Variants in USP48 observed in about 807,000 individuals in gnomAD.
USP48 encodes ubiquitin specific peptidase 48.
A neutral mutation model predicts 150.7 loss-of-function variants in USP48; 43 were observed. The ratio of observed to expected loss-of-function variants is 0.29; its 90% CI spans 0.22 to 0.37. USP48 has a LOEUF of 0.37. Among genes scored for constraint, USP48 ranks in the 10% least tolerant of loss-of-function variants. USP48 has a pLI of 1.00. For missense variants in USP48, 813 were observed against 1,249.6 expected (o/e 0.65, Z 5.27); for synonymous variants, 396 against 425.9 (o/e 0.93, Z 0.86).
At chr1:21,754,250 C>T (rs1270361941) in intron 3 of USP48, among the ~76,000 whole-genome samples, 2 of 152,106 alleles carry the variant, frequency 1.3e-5, no homozygotes, top group African/African-American at 4.8e-5. Flanking sequence ...TCCCCAAAGG[C>T]AAGAGCCTAC....
chr1:21,724,297 AC>A, intron 11 of USP48: 1 of 623,664 alleles, frequency 1.6e-6, no homozygotes, highest in Non-Finnish European at 2.8e-6. Flanking sequence ...GGAGCTGTGC[AC>A]CATAATGCTG....
intron 9 of USP48, among the ~76,000 whole-genome samples, chr1:21,734,960 T>C (rs1393783015): frequency 6.6e-6 from 1 of 152,204 alleles, no homozygotes; most frequent in African/African-American, 2.4e-5. Context: ...GTAGTCTTTA[T>C]GGCAGACCTC....
Position 21,724,641 on chromosome 1 carries a change from T to C in USP48, c.1451-546A>G, listed in dbSNP as rs139456056. ...ACTGAACTTTCTTCATCCAAGATGA[T>C]ACTGATGGCAATTTTGAAAAGGTAT... On this transcript the variant is annotated intron_variant, in intron 11 of 26. Coordinates refer to ENST00000308271, the MANE Select transcript of USP48 (RefSeq NM_032236.8). The C allele has an allele frequency of 6.1e-3, 941 of 155,214 alleles. 3 individuals are homozygous for C. The highest frequency in any genetic ancestry group is 0.01 in the Non-Finnish European group (711 of 70,062). The allele number at this position is 155,214 out of a possible 1,614,324, so 9.6% of individuals were successfully genotyped here. A position where few individuals can be genotyped will look rare whatever the true frequency, so the allele number is the denominator to read the frequency against.
chr1:21,751,460 T>C, intron 6 of USP48, 47 bp downstream of exon 6: 2 of 1,402,344 alleles, frequency 1.4e-6, no homozygotes, highest in Non-Finnish European at 2.0e-6. Context: ...AGAACAGCAT[T>C]TAACTGTTAA....
At chr1:21,729,011 G>A (rs12731507) in intron 10 of USP48, among the ~76,000 whole-genome samples, 21,512 of 152,170 alleles carry the variant, frequency 0.14, 2,084 homozygotes, top group South Asian at 0.22. Context: ...CCAGGCGGGC[G>A]CAGTGGCTCA....
At chr1:21,738,902 T>C in intron 8 of USP48, among the ~76,000 whole-genome samples, 1 of 152,078 alleles carries the variant, frequency 6.6e-6, no homozygotes, top group East Asian at 1.9e-4. Flanking sequence ...TAATGCAGAT[T>C]AATACCTGGG....
intron 15 of USP48, among the ~76,000 whole-genome samples, chr1:21,708,238 C>T (rs949667483): frequency 6.6e-6 from 1 of 152,110 alleles, no homozygotes. Flanking sequence ...TGGTGGTTCA[C>T]ACTTGTAAGC....
chr1:21,732,937 A>C (rs1374519847), intron 9 of USP48: 1 of 155,258 alleles, frequency 6.4e-6, no homozygotes, highest in Non-Finnish European at 1.4e-5. Context: ...TAGATTTTAA[A>C]ATGTGCAAAG....
At chr1:21,768,058 G>A (rs938346022) in intron 1 of USP48, among the ~76,000 whole-genome samples, 9 of 151,910 alleles carry the variant, frequency 5.9e-5, no homozygotes, top group African/African-American at 2.2e-4. Context: ...ATATAAAAAA[G>A]TAGCCGGGCA....
In USP48 at chr1:21,734,486, G is replaced by A. The variant is rs541026373; in HGVS notation, c.1171+1960C>T. On this transcript the variant is annotated intron_variant, in intron 9 of 26. Transcript: ENST00000308271. ...AGCTACATGAATGGAGTTAACAAAC[G>A]ATTATCTGTAGAGATGATGCATATG... Among the ~76,000 whole-genome samples the A allele has an allele frequency of 4.6e-5, 7 of 152,270 alleles. No individual in the cohort carries two copies. The South Asian group carries it at 1.0e-3, about 23-fold the overall frequency.
At chr1:21,765,436 T>C (rs561565751) in intron 1 of USP48, among the ~76,000 whole-genome samples, 1 of 151,878 alleles carries the variant, frequency 6.6e-6, no homozygotes, top group Non-Finnish European at 1.5e-5. Flanking sequence ...GCTAATATGG[T>C]GAAACCCCGT....
At chr1:21,689,926 G>T (rs1347440298) in intron 24 of USP48, 48 bp downstream of exon 24, 2 of 1,606,590 alleles carry the variant, frequency 1.2e-6, no homozygotes, top group Non-Finnish European at 1.7e-6. Context: ...ACATAGTTAT[G>T]TAACATGTAA....
chr1:21,752,372 G>A (rs2152585194), intron 5 of USP48, among the ~76,000 whole-genome samples, 155 bp downstream of exon 5: 1 of 152,272 alleles, frequency 6.6e-6, no homozygotes, highest in East Asian at 1.9e-4. Context: ...CAACTCACTT[G>A]TTTATATGTT....
chr1:21,696,993 C>T (rs1388951584), intron 22 of USP48, among the ~76,000 whole-genome samples: 1 of 151,964 alleles, frequency 6.6e-6, no homozygotes, highest in Non-Finnish European at 1.5e-5. Flanking sequence ...AAATCTTTTC[C>T]CCTGGTTTAA....
chr1:21,742,555 GAAAAGAAAAGAAAAAGAAAAAGA>G (rs2097784459), intron 8 of USP48, among the ~76,000 whole-genome samples: 1 of 124,512 alleles, frequency 8.0e-6, no homozygotes, highest in East Asian at 2.2e-4. Context: ...AAAAAAAAAA[GAAAAGAAAAGAAAAAGAAAAAGA>G]AAAAGAAAAG....
chr1:21,747,144 G>A lies in USP48; in HGVS notation c.914C>T (p.Thr305Ile). Residue 305 changes from threonine to isoleucine, a missense_variant, in exon 8 of 27, where the codon ACT becomes ATT. Coordinates refer to ENST00000308271, the MANE Select transcript of USP48 (RefSeq NM_032236.8). ...QLMRFVFDRQ[T>I]GHKKKLNTYI... ...GGTATTCAGCTTTTTCTTATGTCCA[G>A]TTTGCCTAACCAAGAGGAAAGCTGA... 1 of 1,609,008 alleles carries A rather than the reference G, an allele frequency of 6.2e-7. No homozygotes were observed. Among genetic ancestry groups the A allele is most frequent in the Non-Finnish European group, 8.5e-7 (1 of 1,179,008 alleles).
chr1:21,772,202 C>T (rs1043806544), intron 1 of USP48, among the ~76,000 whole-genome samples: 2 of 151,894 alleles, frequency 1.3e-5, no homozygotes, highest in Non-Finnish European at 2.9e-5. Flanking sequence ...ATTGGGAAAT[C>T]CAGAAACCAT....
chr1:21,757,597 CAAAACAAAAGCA>C, intron 2 of USP48, 54 bp downstream of exon 2: 1 of 1,552,054 alleles, frequency 6.4e-7, no homozygotes, highest in Non-Finnish European at 8.7e-7. Context: ...ATCACAGGCC[CAAAACAAAAGCA>C]AAAACAAAAA....
chr1:21,692,197 T>C (rs960583888), intron 23 of USP48, among the ~76,000 whole-genome samples: 4 of 152,096 alleles, frequency 2.6e-5, no homozygotes, highest in African/African-American at 7.2e-5. Flanking sequence ...CAGGCAGGGA[T>C]GGACTAGCCA....
Sources: allele counts gnomAD v4.1 joint callset (sites outside exome capture counted in the v4.1 genomes callset), GRCh38; gene constraint gnomAD v4.1.1; transcripts MANE v1.5; gene names NCBI Gene and HGNC (gene_info 2026-07-23, HGNC 2026-07-21).